IPCEF1: variants seen among roughly 807,000 people sequenced by gnomAD.
IPCEF1 encodes the protein interactor protein for cytohesin exchange factors 1.
Under a neutral mutation model 50.9 loss-of-function variants are expected in IPCEF1, and 31 were observed. The ratio of observed to expected loss-of-function variants is 0.61; its 90% CI spans 0.46 to 0.82. The LOEUF (loss-of-function observed/expected upper bound fraction) is 0.82, where lower values mean the gene tolerates loss of function less well. Ranked by LOEUF, IPCEF1 falls within the 40% of genes least tolerant of loss-of-function variation. IPCEF1 has a pLI of 0.00. For missense variants in IPCEF1, 458 were observed against 514.0 expected (o/e 0.89, Z 1.05); for synonymous variants, 181 against 192.0 (o/e 0.94, Z 0.47).
rs185162639 is a variant in IPCEF1 at position 154,326,513 on chromosome 6, G to T, written c.-62+30159C>A. Among the ~76,000 whole-genome samples the T allele has an allele frequency of 6.5e-4, 99 of 152,236 alleles. 2 individuals are homozygous for T. Among genetic ancestry groups the T allele is most frequent in the Admixed American group, 5.8e-3 (89 of 15,286 alleles). Reference sequence around the variant, plus strand: ...TCTAGGAATATAGCTAAGGATGGAAGAAAAGGACCTCTTCAAGGAGGCCTA... The same window carrying T: ...TCTAGGAATATAGCTAAGGATGGAATAAAAGGACCTCTTCAAGGAGGCCTA... On this transcript the variant is annotated intron_variant, in intron 1 of 11. Coordinates refer to ENST00000367220, the MANE Select transcript of IPCEF1 (RefSeq NM_001130700.2).
chr6:154,219,056 G>C (rs1006440340), intron 7 of IPCEF1: 3 of 152,136 alleles, frequency 2.0e-5, no homozygotes, highest in Non-Finnish European at 4.4e-5. Context: ...CATTAGATAG[G>C]TTTCTGCAAA....
At chr6:154,187,888 C>T (rs189029619) in intron 10 of IPCEF1, among the ~76,000 whole-genome samples, 1 of 152,124 alleles carries the variant, frequency 6.6e-6, no homozygotes, top group Non-Finnish European at 1.5e-5. Context: ...AACTTGGTGG[C>T]AGAGGTGATG....
rs183181963 is a variant in IPCEF1, at chr6:154,163,680, G to T, written c.1105-3640C>A. 9.4e-4 allele frequency among the ~76,000 whole-genome samples: 143 copies of T among 152,220 alleles called. 1 individual carries two copies. Among genetic ancestry groups the T allele is most frequent in the Middle Eastern group, 3.4e-3 (1 of 292 alleles). ...TTCGTTGAATACTTGTTGAAAAAAT[G>T]AATATATAAAATAAGAAATAAATGA... On this transcript the variant is annotated intron_variant, in intron 11 of 11. Transcript: ENST00000367220.
Position 154,230,584 on chromosome 6 carries a change from G to A in IPCEF1, c.247-7341C>T, listed in dbSNP as rs183966884. ...GCTGACCAGGAGAAATGAGAGTGACGTGTATTCCCGAGTCTAAATAGGTCA... is the reference window on the plus strand; with the variant it reads ...GCTGACCAGGAGAAATGAGAGTGACATGTATTCCCGAGTCTAAATAGGTCA... On this transcript the variant is annotated intron_variant, in intron 5 of 11. Transcript: ENST00000367220. Among the ~76,000 whole-genome samples, 335 of 152,268 alleles carry A rather than the reference G, an allele frequency of 2.2e-3. 2 individuals are homozygous for A. The highest frequency in any genetic ancestry group is 3.6e-3 in the Non-Finnish European group (244 of 68,022).
intron 1 of IPCEF1, among the ~76,000 whole-genome samples, chr6:154,355,466 C>T (rs1007305866): frequency 2.0e-5 from 3 of 151,554 alleles, no homozygotes; most frequent in Non-Finnish European, 2.9e-5. Flanking sequence ...GTGTTCTTTC[C>T]ATTTCTGTTT....
At chr6:154,230,309 C>T (rs570717671) in intron 5 of IPCEF1, among the ~76,000 whole-genome samples, 1 of 152,238 alleles carries the variant, frequency 6.6e-6, no homozygotes, top group South Asian at 2.1e-4. Flanking sequence ...GGAGGTTGTA[C>T]ATGAGTATGG....
At chr6:154,350,699 C>T (rs1784105503) in intron 1 of IPCEF1, among the ~76,000 whole-genome samples, 1 of 152,124 alleles carries the variant, frequency 6.6e-6, no homozygotes, top group Admixed American at 6.6e-5. Context: ...TTCATTTGGC[C>T]CATACATCAA....
chr6:154,162,062 C>A (rs1236276251), intron 11 of IPCEF1, among the ~76,000 whole-genome samples: 2 of 152,192 alleles, frequency 1.3e-5, no homozygotes, highest in Non-Finnish European at 2.9e-5. Context: ...GTTCCTATTG[C>A]CCACGAACTA....
intron 1 of IPCEF1, among the ~76,000 whole-genome samples, chr6:154,332,277 G>T (rs1168335403): frequency 7.7e-6 from 1 of 129,602 alleles, no homozygotes; most frequent in African/African-American, 2.9e-5. Flanking sequence ...CTGTTTTTTT[G>T]TGTGTGAGTG....
intron 9 of IPCEF1, among the ~76,000 whole-genome samples, chr6:154,209,236 CCAA>C (rs1777758746): frequency 1.3e-5 from 2 of 151,972 alleles, no homozygotes; most frequent in Admixed American, 6.6e-5. Flanking sequence ...AGTACATCAC[CCAA>C]AATAAAATTT....
At chr6:154,354,097 C>G (rs1784162757) in intron 1 of IPCEF1, among the ~76,000 whole-genome samples, 1 of 152,162 alleles carries the variant, frequency 6.6e-6, no homozygotes, top group Non-Finnish European at 1.5e-5. Flanking sequence ...ATTTTTAACC[C>G]TCACACAACA....
At chr6:154,236,931 C>T (rs558838329) in intron 5 of IPCEF1, among the ~76,000 whole-genome samples, 8 of 152,256 alleles carry the variant, frequency 5.3e-5, no homozygotes, top group South Asian at 2.1e-4. Context: ...TTAAAGACAT[C>T]GTTTCAAACA....
chr6:154,211,238 A>G (rs888131194), intron 9 of IPCEF1, among the ~76,000 whole-genome samples: 1 of 152,000 alleles, frequency 6.6e-6, no homozygotes, highest in Non-Finnish European at 1.5e-5. Flanking sequence ...AACACGGTGA[A>G]ATCCCGTCTC....
intron 1 of IPCEF1, among the ~76,000 whole-genome samples, chr6:154,302,522 T>G (rs893178928): frequency 1.3e-5 from 2 of 152,174 alleles, no homozygotes; most frequent in Non-Finnish European, 2.9e-5. Context: ...TCTCCCAGGA[T>G]GGAGTGCAGT....
At chr6:154,309,995 C>G (rs1189310079) in intron 1 of IPCEF1, among the ~76,000 whole-genome samples, 1 of 152,144 alleles carries the variant, frequency 6.6e-6, no homozygotes, top group African/African-American at 2.4e-5. Flanking sequence ...AACTCCTGAC[C>G]TCAAGTGATC....
chr6:154,236,867 A>G (rs755905636), intron 5 of IPCEF1, among the ~76,000 whole-genome samples: 3 of 152,196 alleles, frequency 2.0e-5, no homozygotes, highest in Non-Finnish European at 2.9e-5. Context: ...GAGATTCTAC[A>G]TTGTGAGCCC....
chr6:154,219,636 A>C (rs1778693823), intron 7 of IPCEF1, among the ~76,000 whole-genome samples: 1 of 152,056 alleles, frequency 6.6e-6, no homozygotes, highest in Non-Finnish European at 1.5e-5. Context: ...AACTGATGCA[A>C]ATAAAAAAAA....
chr6:154,199,852 A>T lies in IPCEF1; in HGVS notation c.726T>A (p.Ala242=), dbSNP rs774869504. 1 of 1,614,124 alleles carries T rather than the reference A, an allele frequency of 6.2e-7. No individual in the cohort carries two copies. Among genetic ancestry groups the T allele is most frequent in the African/African-American group, 1.3e-5 (1 of 74,950 alleles). ...AGGGTACAGGTGAATGAACTTGCAC[A>T]GCAAACGTTATTGGTTGTCCCTCAT... ...AEDEGQPITF[A]VQVHSPVPSE... Residue 242 remains alanine, a synonymous_variant, in exon 10 of 12, where the codon GCT becomes GCA. Transcript: ENST00000367220.
At chr6:154,355,333 T>C (rs758844587) in intron 1 of IPCEF1, among the ~76,000 whole-genome samples, 65 of 152,144 alleles carry the variant, frequency 4.3e-4, no homozygotes, top group Non-Finnish European at 7.9e-4. Flanking sequence ...GAAAAGACAC[T>C]TGATTTATAA....
Sources: allele counts gnomAD v4.1 joint callset (sites outside exome capture counted in the v4.1 genomes callset), GRCh38; gene constraint gnomAD v4.1.1; transcripts MANE v1.5; gene names NCBI Gene and HGNC (gene_info 2026-07-23, HGNC 2026-07-21).